Variants in FAP observed in about 807,000 individuals in gnomAD.
FAP encodes the protein fibroblast activation protein alpha.
Under a neutral mutation model 126.5 loss-of-function variants are expected in FAP, and 110 were observed. The ratio of observed to expected loss-of-function variants is 0.87; its 90% CI spans 0.74 to 1.02. The LOEUF (loss-of-function observed/expected upper bound fraction) is 1.02. Among genes scored for constraint, FAP ranks in the 50% least tolerant of loss-of-function variants. The pLI is 0.00. For synonymous variants in FAP, 334 were observed against 297.3 expected (o/e 1.12, Z -1.27); for missense variants, 919 against 909.2 (o/e 1.01, Z -0.14).
intron 12 of FAP, chr2:162,209,643 C>T: frequency 4.4e-6 from 1 of 227,546 alleles, no homozygotes; most frequent in Non-Finnish European, 8.5e-6. Flanking sequence ...GATTTTGTCT[C>T]CTTTTGAACA....
Position 162,197,801 on chromosome 2 carries a change from C to T in FAP, c.1402+956G>A, listed in dbSNP as rs1688314853. 2.8e-5 allele frequency: 10 copies of T among 355,384 alleles called. 1 individual carries two copies. The highest frequency in any genetic ancestry group is 2.2e-4 in the South Asian group (10 of 45,696). 22.0% of individuals were successfully genotyped at this position (355,384 alleles called of 1,614,324 possible). Reference sequence around the variant, plus strand: ...TGTTCTTTAAGCCACATACCCCTACCAGGGGAGCTGATACCAAAACAGGAG... The same window carrying T: ...TGTTCTTTAAGCCACATACCCCTACTAGGGGAGCTGATACCAAAACAGGAG... On this transcript the variant is annotated intron_variant, in intron 16 of 25. Coordinates refer to ENST00000188790, the MANE Select transcript of FAP (RefSeq NM_004460.5).
chr2:162,195,182 G>A, intron 16 of FAP: 2 of 192,172 alleles, frequency 1.0e-5, no homozygotes, highest in South Asian at 1.1e-4. Context: ...TTATTTAGAT[G>A]GGTAAAATCG....
At chr2:162,238,815 A>G (rs1041271134) in intron 2 of FAP, among the ~76,000 whole-genome samples, 9 of 152,196 alleles carry the variant, frequency 5.9e-5, no homozygotes, top group African/African-American at 2.2e-4. Flanking sequence ...TACAGTAGTA[A>G]TAGAATACTA....
At chr2:162,189,860 AG>A in intron 17 of FAP, 106 bp from the exon 18 acceptor site, 1 of 636,508 alleles carries the variant, frequency 1.6e-6, no homozygotes. Flanking sequence ...AACTGTGAAA[AG>A]CTCGCTTAAG....
At position 162,171,082 on chromosome 2, in the gene FAP, T is replaced by A; in HGVS notation, c.2182-2A>T. Reference sequence around the variant, plus strand: ...GCCGTGGTTCTGGTCAGAGTACCACTGAAACACAAAGAAAAAAGCTTGTTT... The same window carrying A: ...GCCGTGGTTCTGGTCAGAGTACCACAGAAACACAAAGAAAAAAGCTTGTTT... On this transcript the variant is annotated splice_acceptor_variant, in intron 25 of 25. Transcript: ENST00000188790. LOFTEE classifies it high-confidence loss of function. The A allele has an allele frequency of 6.2e-7, 1 of 1,610,450 alleles. No individual in the cohort carries two copies. The highest frequency in any genetic ancestry group is 8.5e-7 in the Non-Finnish European group (1 of 1,177,874).
intron 6 of FAP, among the ~76,000 whole-genome samples, chr2:162,221,203 G>A (rs916118172): frequency 6.6e-6 from 1 of 152,086 alleles, no homozygotes; most frequent in African/African-American, 2.4e-5. Flanking sequence ...CAGGCCCCTG[G>A]GTGATCGGGA....
chr2:162,187,352 C>T (rs893424592), intron 20 of FAP, among the ~76,000 whole-genome samples: 1 of 152,042 alleles, frequency 6.6e-6, no homozygotes, highest in Non-Finnish European at 1.5e-5. Flanking sequence ...CTCACATGCA[C>T]ATATATTCAC....
chr2:162,209,966 C>T lies in FAP; in HGVS notation c.1033G>A (p.Gly345Arg). The T allele has an allele frequency of 6.2e-7, 1 of 1,612,972 alleles. No homozygotes were observed. The highest frequency in any genetic ancestry group is 8.5e-7 in the Non-Finnish European group (1 of 1,179,464). The change falls in exon 12 of 26, where the codon GGA becomes AGA. Residue 345 changes from glycine to arginine, a missense_variant. By Grantham distance (125) the Gly-to-Arg change is moderately radical. Transcript: ENST00000188790. ...TQEHIEESRT[G>R]WAGGFFVSTP... ...CAAAATCATACTCCACCAGCCCATC[C>T]AGTTCTGCTTTCTTCTATATGCTCC...
chr2:162,196,939 C>T (rs1310586854), intron 16 of FAP, among the ~76,000 whole-genome samples: 1 of 152,188 alleles, frequency 6.6e-6, no homozygotes, highest in Non-Finnish European at 1.5e-5. Context: ...CTAGAAAGGA[C>T]TCTTCCACCA....
In FAP at chr2:162,202,625, T is replaced by G. The variant is rs148604174; in HGVS notation, c.1223+247A>C. Among the ~76,000 whole-genome samples, 379 of 152,318 alleles carry G rather than the reference T, an allele frequency of 2.5e-3. 2 individuals are homozygous for G. The highest frequency in any genetic ancestry group is 1.0e-3 in the Non-Finnish European group (71 of 68,022). Reference sequence around the variant, plus strand: ...TTAGAACGAGTTATTATCTTAAAATTTGTATACTTTTTATATAATTGCCTA... The same window carrying G: ...TTAGAACGAGTTATTATCTTAAAATGTGTATACTTTTTATATAATTGCCTA... On this transcript the variant is annotated intron_variant, in intron 14 of 25. Coordinates refer to ENST00000188790, the MANE Select transcript of FAP (RefSeq NM_004460.5).
chr2:162,232,643 A>G (rs1268091870), intron 2 of FAP, among the ~76,000 whole-genome samples: 3 of 152,224 alleles, frequency 2.0e-5, no homozygotes, highest in Admixed American at 2.0e-4. Flanking sequence ...CTCTAACAGC[A>G]ATTTTCCATG....
intron 2 of FAP, among the ~76,000 whole-genome samples, chr2:162,229,528 C>G (rs938971870): frequency 1.3e-5 from 2 of 152,066 alleles, no homozygotes; most frequent in South Asian, 4.1e-4. Context: ...AGCTCCATAA[C>G]TGAACTGTTA....
intron 2 of FAP, among the ~76,000 whole-genome samples, chr2:162,240,914 AT>A (rs1335679282): frequency 6.6e-6 from 1 of 152,148 alleles, no homozygotes; most frequent in African/African-American, 2.4e-5. Flanking sequence ...GAGATGATTG[AT>A]TGACCAGTGA....
chr2:162,243,202 C>G, intron 1 of FAP, 120 bp downstream of exon 1: 1 of 879,022 alleles, frequency 1.1e-6, no homozygotes, highest in Non-Finnish European at 1.8e-6. Flanking sequence ...CAATCCCAAC[C>G]CATTGAGGAA....
At chr2:162,227,914 G>C (rs1471020211) in intron 2 of FAP, among the ~76,000 whole-genome samples, 1 of 152,098 alleles carries the variant, frequency 6.6e-6, no homozygotes, top group Non-Finnish European at 1.5e-5. Flanking sequence ...CCCTGGTTTA[G>C]ATCAGGTTTC....
chr2:162,198,208 G>C, intron 16 of FAP: 1 of 1,289,454 alleles, frequency 7.8e-7, no homozygotes, highest in South Asian at 1.2e-5. Context: ...AAGGACAAAG[G>C]TTCATCTTCT....
At chr2:162,197,122 A>T (rs936721455) in intron 16 of FAP, among the ~76,000 whole-genome samples, 1 of 152,350 alleles carries the variant, frequency 6.6e-6, no homozygotes, top group South Asian at 2.1e-4. Flanking sequence ...ATGTAAATGT[A>T]GTGTCACTGA....
At chr2:162,233,512 T>C (rs1689982950) in intron 2 of FAP, among the ~76,000 whole-genome samples, 1 of 152,228 alleles carries the variant, frequency 6.6e-6, no homozygotes, top group African/African-American at 2.4e-5. Flanking sequence ...TATTAGTCAT[T>C]TGTATATCTT....
Position 162,241,509 on chromosome 2 carries a change from G to A in FAP, c.91+1399C>T, listed in dbSNP as rs368366215. 8.5e-5 allele frequency among the ~76,000 whole-genome samples: 13 copies of A among 152,298 alleles called. 1 individual carries two copies. The highest frequency in any genetic ancestry group is 2.9e-4 in the African/African-American group (12 of 41,558). On this transcript the variant is annotated intron_variant, in intron 2 of 25. Coordinates refer to ENST00000188790, the MANE Select transcript of FAP (RefSeq NM_004460.5). The stretch of plus-strand genomic sequence containing the variant: ...TCCTTCCCTATGGACATGGAGGCAA[G>A]TGCCCTATAAAATTAACAAACTTTT...
Sources: gnomAD v4.1 joint callset for allele counts (sites outside exome capture counted in the v4.1 genomes callset) on GRCh38, gnomAD v4.1.1 for gene constraint, MANE v1.5 for transcripts, NCBI Gene and HGNC (gene_info 2026-07-23, HGNC 2026-07-21) for gene names.